Variants in CNTNAP2 observed in about 807,000 individuals in gnomAD.
CNTNAP2 encodes contactin-associated protein-like 2.
A neutral mutation model predicts 155.2 loss-of-function variants in CNTNAP2; 98 were observed. That is an observed-to-expected ratio of 0.63 (90% CI 0.54 to 0.75). The LOEUF is 0.75. Ranked by LOEUF, CNTNAP2 falls within the 30% of genes least tolerant of loss-of-function variation. The probability of loss-of-function intolerance (pLI) is 0.00; values close to 1 mark genes in which losing one functional copy is unlikely to be tolerated. For synonymous variants in CNTNAP2, 651 were observed against 631.2 expected (o/e 1.03, Z -0.47); for missense variants, 1,727 against 1,688.1 (o/e 1.02, Z -0.40).
At chr7:146,686,296 A>C (rs1239450345) in intron 1 of CNTNAP2, among the ~76,000 whole-genome samples, 1 of 149,098 alleles carries the variant, frequency 6.7e-6, no homozygotes, top group African/African-American at 2.6e-5. Flanking sequence ...CCCTGTCTCA[A>C]GGGAAAAAAA....
At chr7:148,348,352 T>C (rs1195151340) in intron 21 of CNTNAP2, among the ~76,000 whole-genome samples, 1 of 152,244 alleles carries the variant, frequency 6.6e-6, no homozygotes, top group Admixed American at 6.5e-5. Flanking sequence ...CAAAGTAAGA[T>C]AGTTTCCTGC....
At chr7:147,447,741 C>G (rs1797764147) in intron 10 of CNTNAP2, among the ~76,000 whole-genome samples, 1 of 151,884 alleles carries the variant, frequency 6.6e-6, no homozygotes, top group African/African-American at 2.4e-5. Flanking sequence ...ATTTTTGCTG[C>G]CTTCTTTACA....
In CNTNAP2 at chr7:147,168,062, CAT is replaced by C. The variant is rs376620922; in HGVS notation, c.1348+35562_1348+35563del. ...TATGTATATATAAAATGTATATAAA[CAT>C]ATATATATTTATACATATATATGAC... On this transcript the variant is annotated intron_variant, in intron 8 of 23. Coordinates refer to ENST00000361727, the MANE Select transcript of CNTNAP2 (RefSeq NM_014141.6). 5.1e-3 allele frequency among the ~76,000 whole-genome samples: 748 copies of C among 147,550 alleles called. 6 individuals carry two copies. The highest frequency in any genetic ancestry group is 0.018 in the East Asian group (90 of 5,090).
intron 1 of CNTNAP2, among the ~76,000 whole-genome samples, chr7:146,701,443 G>A (rs999530692): frequency 7.9e-5 from 12 of 152,220 alleles, no homozygotes; most frequent in African/African-American, 2.6e-4. Flanking sequence ...ATTTGGAATA[G>A]CATCCTTTAA....
At chr7:147,336,551 C>A (rs773125819) in intron 9 of CNTNAP2, among the ~76,000 whole-genome samples, 10 of 152,112 alleles carry the variant, frequency 6.6e-5, no homozygotes, top group African/African-American at 9.7e-5. Flanking sequence ...AAATTATTTA[C>A]CATCATCTAC....
At chr7:146,492,504 T>A (rs1797155883) in intron 1 of CNTNAP2, among the ~76,000 whole-genome samples, 1 of 152,194 alleles carries the variant, frequency 6.6e-6, no homozygotes, top group African/African-American at 2.4e-5. Flanking sequence ...CATCAATTTG[T>A]AAATCTTTTC....
intron 9 of CNTNAP2, among the ~76,000 whole-genome samples, chr7:147,310,480 T>A (rs114875848): frequency 0.024 from 3,727 of 152,268 alleles, 146 homozygotes; most frequent in African/African-American, 0.085. Context: ...AATTAAATAT[T>A]ATTTTGTATG....
At chr7:147,416,709 T>A (rs975679708) in intron 10 of CNTNAP2, among the ~76,000 whole-genome samples, 7 of 152,196 alleles carry the variant, frequency 4.6e-5, no homozygotes, top group Non-Finnish European at 1.0e-4. Context: ...TGGGGCTGGA[T>A]GGGAGGGCTG....
intron 1 of CNTNAP2, among the ~76,000 whole-genome samples, chr7:146,767,772 T>C (rs2129184903): frequency 6.6e-6 from 1 of 152,318 alleles, no homozygotes; most frequent in Non-Finnish European, 1.5e-5. Context: ...TTTTATGTTG[T>C]TATGATTTAA....
rs1444420621 is a variant in CNTNAP2, at chr7:146,642,636, T to G, written c.98-131635T>G. ...ATAAACATACGTGTGCATGTGTCTT[T>G]ATAACAGCATGATTTATAGTCCTTT... On this transcript the variant is annotated intron_variant, in intron 1 of 23. Transcript: ENST00000361727. 2.2e-4 allele frequency among the ~76,000 whole-genome samples: 34 copies of G among 152,100 alleles called. No homozygotes were observed. The East Asian group carries it at 6.2e-3, about 28-fold the overall frequency.
chr7:146,991,297 G>A (rs1798203991), intron 3 of CNTNAP2, among the ~76,000 whole-genome samples: 1 of 152,068 alleles, frequency 6.6e-6, no homozygotes, highest in Non-Finnish European at 1.5e-5. Flanking sequence ...ATTGAAATCA[G>A]TTCATAATGT....
chr7:147,526,344 G>A (rs953533550), intron 11 of CNTNAP2, among the ~76,000 whole-genome samples: 2 of 152,136 alleles, frequency 1.3e-5, no homozygotes, highest in African/African-American at 4.8e-5. Context: ...GACTAAGGAG[G>A]TAGAAGAAAA....
rs6970684 is a variant in CNTNAP2 at position 146,903,964 on chromosome 7, G to T, written c.402+64060G>T. ...TATATGTAAATCAAAACATCACATT[G>T]TACACCGTAAATATACATAATTATT... is the stretch of plus-strand genomic sequence containing the variant. On this transcript the variant is annotated intron_variant, in intron 3 of 23. Transcript: ENST00000361727. Among the ~76,000 whole-genome samples the T allele has an allele frequency of 4.4e-3, 675 of 152,158 alleles. 5 individuals are homozygous for T. The highest frequency in any genetic ancestry group is 0.015 in the African/African-American group (638 of 41,486).
chr7:147,650,304 A>G (rs950088197), intron 13 of CNTNAP2, among the ~76,000 whole-genome samples: 3 of 152,202 alleles, frequency 2.0e-5, no homozygotes, highest in African/African-American at 4.8e-5. Context: ...GCAAACATTT[A>G]TTGAGTATAA....
At chr7:146,979,592 C>T (rs373513115) in intron 3 of CNTNAP2, among the ~76,000 whole-genome samples, 9 of 152,004 alleles carry the variant, frequency 5.9e-5, no homozygotes, top group East Asian at 1.9e-4. Context: ...GAAATAGGTC[C>T]GTGAAAGCAG....
At chr7:147,620,950 G>A (rs188670517) in intron 12 of CNTNAP2, among the ~76,000 whole-genome samples, 1 of 152,062 alleles carries the variant, frequency 6.6e-6, no homozygotes, top group Non-Finnish European at 1.5e-5. Context: ...ACTCCAAAAG[G>A]TCAAGGATAA....
chr7:147,912,145 T>C (rs191833679), intron 14 of CNTNAP2, among the ~76,000 whole-genome samples: 1 of 152,198 alleles, frequency 6.6e-6, no homozygotes, highest in Middle Eastern at 3.2e-3. Flanking sequence ...AACCACAGCA[T>C]TTAAATGGCA....
intron 9 of CNTNAP2, among the ~76,000 whole-genome samples, chr7:147,307,186 C>T (rs370624945): frequency 6.6e-6 from 1 of 152,160 alleles, no homozygotes; most frequent in Non-Finnish European, 1.5e-5. Context: ...CACTGGCACC[C>T]CATCGATATA....
At chr7:148,090,585 A>C (rs2116563127) in intron 15 of CNTNAP2, among the ~76,000 whole-genome samples, 1 of 152,262 alleles carries the variant, frequency 6.6e-6, no homozygotes, top group Admixed American at 6.5e-5. Flanking sequence ...CCATTATCAA[A>C]ATGATAAAAG....
Sources: gnomAD v4.1 joint callset for allele counts (sites outside exome capture counted in the v4.1 genomes callset) on GRCh38, gnomAD v4.1.1 for gene constraint, MANE v1.5 for transcripts, NCBI Gene and HGNC (gene_info 2026-07-23, HGNC 2026-07-21) for gene names.